The following MYO16 variants were observed in gnomAD, a reference collection of about 807,000 sequenced individuals.
MYO16 encodes myosin XVI, also known as unconventional myosin-XVI.
In MYO16, 94 loss-of-function variants were observed where a neutral mutation model predicts 205.3. That is an observed-to-expected ratio of 0.46 (90% CI 0.39 to 0.54). The LOEUF is 0.54. Among genes scored for constraint, MYO16 ranks in the 20% least tolerant of loss-of-function variants. The pLI, the probability that MYO16 is intolerant of heterozygous loss-of-function variation, is 0.00. For missense variants in MYO16, 2,315 were observed against 2,387.5 expected (o/e 0.97, Z 0.63); for synonymous variants, 988 against 954.0 (o/e 1.04, Z -0.66).
Position 108,883,168 on chromosome 13 carries a change from C to T in MYO16, c.1535C>T (p.Pro512Leu). The change falls in exon 13 of 35, where the codon CCT (proline) becomes CTT (leucine). Residue 512 changes from proline to leucine, a missense_variant. Pro to Leu is a moderately conservative substitution (Grantham distance 98). Around this residue, in one of 3 missense-constraint regions of MYO16, gnomAD observed 1,213 missense variants for 1,274.4 expected, o/e 0.95. Coordinates refer to ENST00000457511, the MANE Select transcript of MYO16 (RefSeq NM_001198950.3). Reference sequence around the variant, plus strand: ...CACCAGCTCTTCCGGGAACAGCGGCCTCAGTGTTTCATCCTCAGGTGAGTC... The same window carrying T: ...CACCAGCTCTTCCGGGAACAGCGGCTTCAGTGTTTCATCCTCAGGTGAGTC... ...AFHQLFREQR[P>L]QCFILSGERG... 6.2e-7 allele frequency: 1 copy of T among 1,613,906 alleles called. No individual in the cohort carries two copies. The highest frequency in any genetic ancestry group is 8.5e-7 in the Non-Finnish European group (1 of 1,179,858).
intron 20 of MYO16, among the ~76,000 whole-genome samples, chr13:108,991,449 T>C (rs1381835270): frequency 6.6e-6 from 1 of 152,270 alleles, no homozygotes; most frequent in African/African-American, 2.4e-5. Context: ...GAATTACTTC[T>C]GGAAGAACTT....
intron 34 of MYO16, among the ~76,000 whole-genome samples, chr13:109,182,774 A>G (rs1312143154): frequency 3.9e-5 from 6 of 152,254 alleles, no homozygotes; most frequent in Non-Finnish European, 8.8e-5. Flanking sequence ...TGTAAAAAAA[A>G]TATAGAAAAT....
chr13:108,677,333 GTGTATATA>G (rs1162480997), intron 2 of MYO16, among the ~76,000 whole-genome samples: 5 of 101,166 alleles, frequency 4.9e-5, no homozygotes, highest in African/African-American at 2.0e-4. Context: ...GTGTGTGTGT[GTGTATATA>G]TATATATATA....
chr13:108,580,994 A>G, the MYO16 span, among the ~76,000 whole-genome samples: 1 of 152,218 alleles, frequency 6.6e-6, no homozygotes, highest in Non-Finnish European at 1.5e-5. Context: ...TCTTTCTATA[A>G]TGAAATGTAA....
At chr13:108,938,064 A>G (rs978256005) in intron 16 of MYO16, among the ~76,000 whole-genome samples, 2 of 151,750 alleles carry the variant, frequency 1.3e-5, no homozygotes, top group African/African-American at 4.8e-5. Context: ...TTCTTTCCCT[A>G]TAATGTTGTT....
At position 108,793,155 on chromosome 13, in the gene MYO16, G is replaced by A. The variant is rs111805049; in HGVS notation, c.617-361G>A. 5.3e-5 allele frequency among the ~76,000 whole-genome samples: 8 copies of A among 151,874 alleles called. 1 individual carries two copies. The highest frequency in any genetic ancestry group is 1.7e-4 in the African/African-American group (7 of 41,470). On this transcript the variant is annotated intron_variant, in intron 5 of 34. Transcript: ENST00000457511. ...AAAAAAATTAGCCGGGCGCAGTGGCGGGCGCCTGTAGTCCCAGCTACTCAG... is the reference window on the plus strand; with the variant it reads ...AAAAAAATTAGCCGGGCGCAGTGGCAGGCGCCTGTAGTCCCAGCTACTCAG...
intron 7 of MYO16, among the ~76,000 whole-genome samples, chr13:108,812,882 TG>T (rs942756474): frequency 6.6e-6 from 1 of 152,150 alleles, no homozygotes; most frequent in Non-Finnish European, 1.5e-5. Flanking sequence ...CAACATTTAA[TG>T]GGGCATCTTG....
chr13:108,852,116 G>A (rs80129854), intron 10 of MYO16, among the ~76,000 whole-genome samples: 2,445 of 152,246 alleles, frequency 0.016, 54 homozygotes, highest in East Asian at 0.076. Flanking sequence ...CTTCAAAGAC[G>A]ACTTCTCAGA....
intron 16 of MYO16, among the ~76,000 whole-genome samples, chr13:108,915,576 C>A (rs530031097): frequency 6.6e-6 from 1 of 152,014 alleles, no homozygotes; most frequent in African/African-American, 2.4e-5. Context: ...ATTTGGGGAA[C>A]GAATGTAATT....
intron 10 of MYO16, among the ~76,000 whole-genome samples, chr13:108,845,262 C>A (rs981576839): frequency 1.3e-5 from 2 of 152,246 alleles, no homozygotes; most frequent in African/African-American, 4.8e-5. Flanking sequence ...AGCAGATAAA[C>A]AAAACATCTG....
chr13:108,608,348 G>A (rs1054508271), intron 1 of MYO16, among the ~76,000 whole-genome samples: 3 of 151,996 alleles, frequency 2.0e-5, no homozygotes, highest in South Asian at 2.1e-4. Context: ...CATTATATAC[G>A]AGTGACCCAT....
chr13:109,067,398 A>C (rs1410510684), intron 27 of MYO16, among the ~76,000 whole-genome samples: 2 of 152,214 alleles, frequency 1.3e-5, no homozygotes, highest in Non-Finnish European at 2.9e-5. Context: ...CCTATTTTAC[A>C]GCTGAGAAAA....
In MYO16 at chr13:109,019,795, A is replaced by T. The variant is rs764510809; in HGVS notation, c.2680A>T (p.Ser894Cys). 6.2e-7 allele frequency: 1 copy of T among 1,614,146 alleles called. No individual in the cohort carries two copies. Among genetic ancestry groups the T allele is most frequent in the Non-Finnish European group, 8.5e-7 (1 of 1,179,992 alleles). Residue 894 changes from serine (S) to cysteine (C), a missense_variant, in exon 23 of 35, where the codon AGT becomes TGT. Coordinates refer to ENST00000457511, the MANE Select transcript of MYO16 (RefSeq NM_001198950.3). ...VESNFPKKLQSLLESSNTNAV... is the reference protein window; with the variant it reads ...VESNFPKKLQCLLESSNTNAV... ...ATCAAATTTTCCAAAAAAACTACAA[A>T]GTCTCCTAGAATCCTCAAACACAAA...
rs764677291 is a variant in MYO16 at position 108,838,725 on chromosome 13, C to CACACTATATATAT, written c.1098-5603_1098-5591dup. Among the ~76,000 whole-genome samples, 1,323 of 141,450 alleles carry CACACTATATATAT rather than the reference C, an allele frequency of 9.4e-3. 13 individuals carry two copies. Among genetic ancestry groups the CACACTATATATAT allele is most frequent in the Non-Finnish European group, 0.014 (938 of 66,458 alleles). The allele number at this position is 141,450 out of a possible 152,430, so 92.8% of individuals were successfully genotyped here. A position where few individuals can be genotyped will look rare whatever the true frequency, so the allele number is the denominator to read the frequency against. ...CACACACACACTATACATATACACG[C>CACACTATATATAT]ACACTATATATATACACTATATATA... On this transcript the variant is annotated intron_variant, in intron 9 of 34. Transcript: ENST00000457511.
intron 2 of MYO16, among the ~76,000 whole-genome samples, chr13:108,685,084 A>C (rs1566549165): frequency 6.7e-6 from 1 of 148,880 alleles, no homozygotes; most frequent in African/African-American, 2.5e-5. Context: ...GTGCAGTGAC[A>C]CGATCTCGGC....
chr13:108,839,296 G>A (rs998975605), intron 9 of MYO16, among the ~76,000 whole-genome samples: 18 of 151,892 alleles, frequency 1.2e-4, no homozygotes, highest in African/African-American at 3.9e-4. Flanking sequence ...TTACCTAATC[G>A]CCTCCTAAAA....
rs887548177 is a variant in MYO16, at chr13:108,780,361, A to T, written c.508-5274A>T. Among the ~76,000 whole-genome samples, 31 of 6,614 alleles carry T rather than the reference A, an allele frequency of 4.7e-3. No homozygotes were observed. In the South Asian group the frequency reaches 0.072, roughly 15 times the overall value. The allele number at this position is 6,614 out of a possible 152,430, so 4.3% of individuals were successfully genotyped here. A position where few individuals can be genotyped will look rare whatever the true frequency, so the allele number is the denominator to read the frequency against. On this transcript the variant is annotated intron_variant, in intron 4 of 34. Transcript: ENST00000457511. Reference sequence around the variant, plus strand: ...CATAAAATTACTGACGTCTGATTTAAAAAAAAAAAAAACTGCCCAGTGACC... The same window carrying T: ...CATAAAATTACTGACGTCTGATTTATAAAAAAAAAAAACTGCCCAGTGACC...
chr13:108,652,979 A>G (rs1284818303), intron 1 of MYO16, among the ~76,000 whole-genome samples: 1 of 152,206 alleles, frequency 6.6e-6, no homozygotes, highest in African/African-American at 2.4e-5. Flanking sequence ...GTTTTTCACA[A>G]TGGCTGCACC....
chr13:108,866,364 T>C (rs972803411), intron 12 of MYO16, 122 bp downstream of exon 12: 4 of 547,084 alleles, frequency 7.3e-6, no homozygotes, highest in South Asian at 4.1e-5. Context: ...AAATTCTGAA[T>C]TGAATGATTG....
Sources: allele counts gnomAD v4.1 joint callset (sites outside exome capture counted in the v4.1 genomes callset), GRCh38; gene constraint gnomAD v4.1.1; regional missense constraint gnomAD v4.1.1; transcripts MANE v1.5; gene names NCBI Gene and HGNC (gene_info 2026-07-23, HGNC 2026-07-21).